The following PCDHA13 variants were observed in gnomAD, a reference collection of about 807,000 sequenced individuals.
The protein encoded by PCDHA13 is protocadherin alpha-13.
In PCDHA13, 54 loss-of-function variants were observed where a neutral mutation model predicts 64.8. The ratio of observed to expected loss-of-function variants is 0.83; its 90% CI spans 0.67 to 1.04. The LOEUF is 1.04. Among genes scored for constraint, PCDHA13 ranks in the 50% least tolerant of loss-of-function variants. The probability of loss-of-function intolerance (pLI) is 0.00; values close to 1 mark genes in which losing one functional copy is unlikely to be tolerated. For synonymous variants in PCDHA13, 587 were observed against 564.4 expected (o/e 1.04, Z -0.57); for missense variants, 1,248 against 1,254.3 (o/e 0.99, Z 0.08).
At chr5:140,983,617 G>C (rs868994554) in intron 3 of PCDHA13, among the ~76,000 whole-genome samples, 1 of 152,228 alleles carries the variant, frequency 6.6e-6, no homozygotes, top group Admixed American at 6.5e-5. Context: ...GAGGCAGAGA[G>C]ATTAAGAAAT....
At position 140,884,460 on chromosome 5, in the gene PCDHA13, C is replaced by T. The variant is rs782410675; in HGVS notation, c.2192C>T (p.Ala731Val). ...TGCTCGGCACCGCCCACCGAGGGCG[C>T]GTGCGCGCCGGGCAAGCCCACTCTA... ...LRCSAPPTEGACAPGKPTLVC... is the reference protein window; with the variant it reads ...LRCSAPPTEGVCAPGKPTLVC... Residue 731 changes from alanine to valine, a missense_variant, in exon 1 of 4, where the codon GCG becomes GTG. Coordinates refer to ENST00000289272, the MANE Select transcript of PCDHA13 (RefSeq NM_018904.3). The T allele has an allele frequency of 2.5e-6, 4 of 1,613,730 alleles. No homozygotes were observed. The highest frequency in any genetic ancestry group is 3.3e-5 in the Admixed American group (2 of 59,998).
intron 1 of PCDHA13, chr5:140,927,766 GAGGTGCA>G: frequency 6.2e-7 from 1 of 1,614,234 alleles, no homozygotes. Context: ...TAAAAGTGGG[GAGGTGCA>G]AGTAGCTGCT....
intron 1 of PCDHA13, among the ~76,000 whole-genome samples, chr5:140,891,498 G>C (rs566885852): frequency 6.6e-6 from 1 of 151,186 alleles, no homozygotes; most frequent in East Asian, 1.9e-4. Flanking sequence ...CATATCCTCA[G>C]CTATAATGTT....
chr5:140,942,588 A>T (rs1416575390), intron 1 of PCDHA13, among the ~76,000 whole-genome samples: 1 of 149,588 alleles, frequency 6.7e-6, no homozygotes, highest in South Asian at 2.1e-4. Flanking sequence ...AGGATGTCAC[A>T]TATAATTATA....
intron 1 of PCDHA13, among the ~76,000 whole-genome samples, chr5:140,903,300 T>C (rs1368072567): frequency 6.6e-6 from 1 of 152,184 alleles, no homozygotes; most frequent in Non-Finnish European, 1.5e-5. Context: ...GGAAATTTAG[T>C]ATACAATAAA....
Position 140,883,145 on chromosome 5 carries a change from T to C in PCDHA13, c.877T>C (p.Phe293Leu), listed in dbSNP as rs2059462627. The C allele has an allele frequency of 6.2e-7, 1 of 1,613,988 alleles. No homozygotes were observed. Among genetic ancestry groups the C allele is most frequent in the Admixed American group, 1.7e-5 (1 of 59,974 alleles). The change falls in exon 1 of 4, where the codon TTT (phenylalanine) becomes CTT (leucine). Residue 293 changes from phenylalanine (F) to leucine (L), a missense_variant. Coordinates refer to ENST00000289272, the MANE Select transcript of PCDHA13 (RefSeq NM_018904.3). ...RPVWPAVVYAFTINPNNGEIR... is the reference protein window; with the variant it reads ...RPVWPAVVYALTINPNNGEIR... ...TGTATGGCCTGCAGTGGTATATGCA[T>C]TTACCATAAATCCGAACAATGGAGA...
At chr5:140,959,567 T>A (rs2095496193) in intron 1 of PCDHA13, among the ~76,000 whole-genome samples, 1 of 152,208 alleles carries the variant, frequency 6.6e-6, no homozygotes, top group Non-Finnish European at 1.5e-5. Context: ...AGTACTAGAT[T>A]TTTTGTTTCA....
intron 1 of PCDHA13, among the ~76,000 whole-genome samples, chr5:140,916,217 A>T (rs1050976167): frequency 6.6e-6 from 1 of 152,132 alleles, no homozygotes; most frequent in Non-Finnish European, 1.5e-5. Context: ...GGAAGATCCA[A>T]ATATGCTTTC....
rs782248969 is a variant in PCDHA13 at position 140,927,466 on chromosome 5, G to A, written c.2394+42804G>A. 67 of 1,614,044 alleles carry A rather than the reference G, an allele frequency of 4.2e-5. No homozygotes were observed. Among genetic ancestry groups the A allele is most frequent in the Non-Finnish European group, 5.4e-5 (64 of 1,180,052 alleles). Reference sequence around the variant, plus strand: ...GGAGTTGGTGTTGGAGAAAGCACTGGATCGCGAACAGCGCGCCACCCACCT... The same window carrying A: ...GGAGTTGGTGTTGGAGAAAGCACTGAATCGCGAACAGCGCGCCACCCACCT... On this transcript the variant is annotated intron_variant, in intron 1 of 3. Coordinates refer to ENST00000289272, the MANE Select transcript of PCDHA13 (RefSeq NM_018904.3).
chr5:140,962,143 G>C (rs964011627), intron 1 of PCDHA13, among the ~76,000 whole-genome samples: 1 of 151,968 alleles, frequency 6.6e-6, no homozygotes, highest in Non-Finnish European at 1.5e-5. Flanking sequence ...CCAAAGTGCT[G>C]GGATTACAGG....
At chr5:140,928,508 T>G in intron 1 of PCDHA13, 1 of 1,614,174 alleles carries the variant, frequency 6.2e-7, no homozygotes, top group Non-Finnish European at 8.5e-7. Flanking sequence ...AGTGCAACAG[T>G]GACTATAAAC....
intron 3 of PCDHA13, among the ~76,000 whole-genome samples, chr5:140,997,018 A>G (rs1403831704): frequency 6.6e-6 from 1 of 151,882 alleles, no homozygotes; most frequent in African/African-American, 2.4e-5. Flanking sequence ...ATCCTCCAAT[A>G]TTTTTTTGAA....
chr5:140,903,180 T>C (rs149488870), intron 1 of PCDHA13, among the ~76,000 whole-genome samples: 1,613 of 152,324 alleles, frequency 0.011, 17 homozygotes, highest in African/African-American at 0.028. Context: ...TTCCCACCAA[T>C]AGTATAAAAG....
intron 2 of PCDHA13, among the ~76,000 whole-genome samples, chr5:140,981,854 C>T (rs2096954295): frequency 6.6e-6 from 1 of 152,132 alleles, no homozygotes; most frequent in South Asian, 2.1e-4. Flanking sequence ...GTATCTCACT[C>T]CCAGCAATGT....
chr5:140,916,090 G>A (rs1464191226), intron 1 of PCDHA13, among the ~76,000 whole-genome samples: 1 of 152,160 alleles, frequency 6.6e-6, no homozygotes, highest in African/African-American at 2.4e-5. Context: ...TGGTCCACAG[G>A]GAATCTGCCT....
intron 1 of PCDHA13, among the ~76,000 whole-genome samples, chr5:140,892,783 T>C (rs1554185363): frequency 6.6e-6 from 1 of 152,168 alleles, no homozygotes; most frequent in African/African-American, 2.4e-5. Context: ...TTCTTGAAAA[T>C]ATGTAAGAAA....
chr5:140,885,603 T>G (rs2060651521), intron 1 of PCDHA13, among the ~76,000 whole-genome samples: 1 of 152,202 alleles, frequency 6.6e-6, no homozygotes, highest in South Asian at 2.1e-4. Context: ...ATATTAATAA[T>G]TTTAATTATA....
intron 1 of PCDHA13, among the ~76,000 whole-genome samples, chr5:140,937,093 A>G (rs1466127180): frequency 6.8e-6 from 1 of 146,414 alleles, no homozygotes; most frequent in African/African-American, 2.6e-5. Context: ...GCTGGAGTGC[A>G]GTGGCGCAGT....
At chr5:141,007,660 T>C (rs1392469115) in intron 3 of PCDHA13, among the ~76,000 whole-genome samples, 2 of 152,074 alleles carry the variant, frequency 1.3e-5, no homozygotes, top group Admixed American at 6.5e-5. Flanking sequence ...AAACCATAAA[T>C]TTACAAAGAC....
Sources: allele counts gnomAD v4.1 joint callset (sites outside exome capture counted in the v4.1 genomes callset), GRCh38; gene constraint gnomAD v4.1.1; transcripts MANE v1.5; gene names NCBI Gene and HGNC (gene_info 2026-07-23, HGNC 2026-07-21).